The following XPR1 variants were observed in gnomAD, a reference collection of about 807,000 sequenced individuals.
XPR1 encodes the protein xenotropic and polytropic retrovirus receptor 1.
XPR1 carries 28 observed loss-of-function variants against 87.5 expected under a neutral mutation model. The observed-to-expected ratio is 0.32, with a 90% confidence interval of 0.24 to 0.44. The LOEUF (loss-of-function observed/expected upper bound fraction) is 0.44, where lower values mean the gene tolerates loss of function less well. Ranked by LOEUF, XPR1 falls within the 20% of genes least tolerant of loss-of-function variation. The pLI is 1.00. For missense variants in XPR1, 559 were observed against 862.3 expected (o/e 0.65, Z 4.41); for synonymous variants, 300 against 306.1 (o/e 0.98, Z 0.21).
chr1:180,767,045 T>C (rs531331887), intron 2 of XPR1, among the ~76,000 whole-genome samples: 22 of 152,310 alleles, frequency 1.4e-4, no homozygotes, highest in South Asian at 1.2e-3. Flanking sequence ...ATCCTCTTTT[T>C]CCTTCTTTTC....
intron 3 of XPR1, among the ~76,000 whole-genome samples, chr1:180,791,498 A>G (rs1404764443): frequency 6.6e-6 from 1 of 152,166 alleles, no homozygotes; most frequent in Non-Finnish European, 1.5e-5. Flanking sequence ...GGTGGTCTCG[A>G]ACTCCTGACC....
intron 7 of XPR1, 54 bp from the exon 8 acceptor site, chr1:180,824,699 A>G: frequency 6.9e-7 from 1 of 1,449,352 alleles, no homozygotes; most frequent in Non-Finnish European, 9.4e-7. Flanking sequence ...AAGATTATTA[A>G]TTCAAGGGAA....
chr1:180,779,106 C>A (rs143694776), intron 2 of XPR1, among the ~76,000 whole-genome samples: 148 of 152,254 alleles, frequency 9.7e-4, no homozygotes, highest in African/African-American at 3.0e-3. Context: ...TCTTTCTTAT[C>A]CTTTAGGTTC....
At chr1:180,764,959 A>G (rs1011591437) in intron 2 of XPR1, among the ~76,000 whole-genome samples, 4 of 149,972 alleles carry the variant, frequency 2.7e-5, no homozygotes, top group African/African-American at 7.4e-5. Flanking sequence ...CTAATTTTTT[A>G]TATTTTTAGT....
intron 4 of XPR1, 21 bp downstream of exon 4, chr1:180,803,632 G>C (rs373334932): frequency 2.5e-5 from 39 of 1,586,804 alleles, no homozygotes; most frequent in Non-Finnish European, 3.3e-5. Flanking sequence ...TCTTACCCTA[G>C]AAAATGGCAC....
chr1:180,793,386 G>A (rs1382550683), intron 3 of XPR1, among the ~76,000 whole-genome samples: 1 of 151,958 alleles, frequency 6.6e-6, no homozygotes, highest in Non-Finnish European at 1.5e-5. Flanking sequence ...TGAATCATGA[G>A]AATCTTTTAC....
chr1:180,696,208 G>GTGTATA (rs1241189679), intron 2 of XPR1, among the ~76,000 whole-genome samples: 71 of 88,576 alleles, frequency 8.0e-4, no homozygotes, highest in East Asian at 1.8e-3. Flanking sequence ...GTGTGTGTGT[G>GTGTATA]TATATATATA....
intron 2 of XPR1, among the ~76,000 whole-genome samples, chr1:180,756,974 A>T (rs1647772573): frequency 6.6e-6 from 1 of 152,162 alleles, no homozygotes; most frequent in East Asian, 1.9e-4. Context: ...CAAGTGTGAG[A>T]GTTTATTTCT....
chr1:180,830,893 C>T lies in XPR1; in HGVS notation c.1135-3981C>T, dbSNP rs73034745. ...AGAATATGTTAGGAAGAGTCTGTGTCGGTCTTCTGTAAAATGGGGATATGA... is the reference window on the plus strand; with the variant it reads ...AGAATATGTTAGGAAGAGTCTGTGTTGGTCTTCTGTAAAATGGGGATATGA... On this transcript the variant is annotated intron_variant, in intron 9 of 14. Transcript: ENST00000367590. Among the ~76,000 whole-genome samples, 529 of 152,284 alleles carry T rather than the reference C, an allele frequency of 3.5e-3. 6 individuals carry two copies. The highest frequency in any genetic ancestry group is 0.012 in the African/African-American group (501 of 41,562).
Position 180,888,214 on chromosome 1 carries a change from G to T in XPR1, c.*4148G>T, listed in dbSNP as rs1451029339. 1 of 152,030 alleles carries T rather than the reference G, an allele frequency of 6.6e-6. No individual in the cohort carries two copies. The highest frequency in any genetic ancestry group is 1.5e-5 in the Non-Finnish European group (1 of 68,008). The allele number at this position is 152,030 out of a possible 1,614,324, so 9.4% of individuals were successfully genotyped here. ...AAATAATTATTTATTCCCAAATGCA[G>T]TTTTCTAAGCAGTGACCACAAAAAT... On this transcript the variant is annotated 3_prime_UTR_variant, in exon 15 of 15. Transcript: ENST00000367590.
Position 180,835,002 on chromosome 1 carries a change from C to G in XPR1, c.1263C>G (p.Leu421=). ...TGATCTGCTTCTACAGTTTGGAGCT[C>G]AAATGGGATGAAAGTAAGGGCCTGT... ...EYMICFYSLE[L]KWDESKGLLP... Residue 421 remains leucine, a synonymous_variant, in exon 10 of 15, where the codon CTC becomes CTG. Coordinates refer to ENST00000367590, the MANE Select transcript of XPR1 (RefSeq NM_004736.4). 6.2e-7 allele frequency: 1 copy of G among 1,613,864 alleles called. No homozygotes were observed. Among genetic ancestry groups the G allele is most frequent in the South Asian group, 1.1e-5 (1 of 91,050 alleles).
intron 2 of XPR1, among the ~76,000 whole-genome samples, chr1:180,749,149 GACTGCATC>G (rs1235483172): frequency 6.6e-6 from 1 of 152,226 alleles, no homozygotes; most frequent in Non-Finnish European, 1.5e-5. Flanking sequence ...AGTGAGCTAT[GACTGCATC>G]ACTGCACTCC....
Position 180,824,771 on chromosome 1 carries a change from C to G in XPR1, c.782C>G (p.Thr261Arg). 6.2e-7 allele frequency: 1 copy of G among 1,609,450 alleles called. No individual in the cohort carries two copies. Among genetic ancestry groups the G allele is most frequent in the Non-Finnish European group, 8.5e-7 (1 of 1,178,762 alleles). The stretch of plus-strand genomic sequence containing the variant: ...CTTTCAGCTGTATTTAAACTTGAAA[C>G]AGATAGAAGTATATGGCCCTTGATA... The part of the protein sequence containing the change: ...LVLAAVFKLE[T>R]DRSIWPLIRI... The change falls in exon 8 of 15, where the codon ACA (threonine) becomes AGA (arginine). Residue 261 changes from threonine (T) to arginine (R), a missense_variant. By Grantham distance (71) the Thr-to-Arg change is moderately conservative. Around this residue, in one of 7 missense-constraint regions of XPR1, gnomAD observed 39 missense variants for 38.5 expected, o/e 1.01. Coordinates refer to ENST00000367590, the MANE Select transcript of XPR1 (RefSeq NM_004736.4).
chr1:180,808,587 C>T (rs1650086993), intron 6 of XPR1, among the ~76,000 whole-genome samples: 1 of 152,076 alleles, frequency 6.6e-6, no homozygotes, highest in Non-Finnish European at 1.5e-5. Flanking sequence ...ATATAAAGAA[C>T]TCCAATACTC....
At chr1:180,775,805 A>G (rs935767230) in intron 2 of XPR1, among the ~76,000 whole-genome samples, 1 of 135,782 alleles carries the variant, frequency 7.4e-6, no homozygotes, top group African/African-American at 2.5e-5. Context: ...AGAGTGCTGG[A>G]AAAAAAAATC....
At chr1:180,819,884 G>T (rs1053703544) in intron 7 of XPR1, among the ~76,000 whole-genome samples, 8 of 151,952 alleles carry the variant, frequency 5.3e-5, no homozygotes, top group Non-Finnish European at 1.2e-4. Context: ...CCTGGGTGTG[G>T]TGGTGTGTGC....
chr1:180,676,582 G>A (rs1656376113), intron 1 of XPR1, among the ~76,000 whole-genome samples: 1 of 152,054 alleles, frequency 6.6e-6, no homozygotes, highest in African/African-American at 2.4e-5. Context: ...CTCTATACTT[G>A]TAGAGGACTT....
intron 2 of XPR1, among the ~76,000 whole-genome samples, chr1:180,763,001 T>C (rs564978303): frequency 1.4e-3 from 218 of 152,322 alleles, no homozygotes; most frequent in Middle Eastern, 3.4e-3. Flanking sequence ...ACGAATGACT[T>C]GCGTTCACTG....
chr1:180,659,381 G>GTCCTTCCTCCCT (rs1655675827), intron 1 of XPR1, among the ~76,000 whole-genome samples: 1 of 55,396 alleles, frequency 1.8e-5, no homozygotes, highest in Non-Finnish European at 3.5e-5. Flanking sequence ...CCGTCCTTCC[G>GTCCTTCCTCCCT]TCCTTCCTTC....
Sources: gnomAD v4.1 joint callset for allele counts (sites outside exome capture counted in the v4.1 genomes callset) on GRCh38, gnomAD v4.1.1 for gene constraint, gnomAD v4.1.1 regional missense constraint, MANE v1.5 for transcripts, NCBI Gene and HGNC (gene_info 2026-07-23, HGNC 2026-07-21) for gene names.